LIPA: variants seen among roughly 807,000 people sequenced by gnomAD.
The protein encoded by LIPA is lipase A, lysosomal acid type.
A neutral mutation model predicts 40.6 loss-of-function variants in LIPA; 26 were observed. The observed-to-expected ratio is 0.64, with a 90% CI of 0.47 to 0.89. The LOEUF (loss-of-function observed/expected upper bound fraction) is 0.89, where lower values mean the gene tolerates loss of function less well. Ranked by LOEUF, LIPA falls within the 40% of genes least tolerant of loss-of-function variation. LIPA has a pLI of 0.00. For missense variants in LIPA, 455 were observed against 479.6 expected (o/e 0.95, Z 0.48); for synonymous variants, 188 against 168.4 (o/e 1.12, Z -0.90).
rs1842596009 is a variant in LIPA, at chr10:89,214,636, T to C, written c.*192A>G. 1.8e-6 allele frequency: 1 copy of C among 564,406 alleles called. No homozygotes were observed. Among genetic ancestry groups the C allele is most frequent in the Non-Finnish European group, 3.1e-6 (1 of 318,508 alleles). The allele number at this position is 564,406 out of a possible 1,614,324, so 35.0% of individuals were successfully genotyped here. A position where few individuals can be genotyped will look rare whatever the true frequency, so the allele number is the denominator to read the frequency against. ...CACTGGCTTCCTATTCCAGCCCTAA[T>C]TAAAGAAAAAATAGCTAGTATGTTT... On this transcript the variant is annotated 3_prime_UTR_variant, in exon 10 of 10. Coordinates refer to ENST00000336233, the MANE Select transcript of LIPA (RefSeq NM_000235.4).
At chr10:89,305,930 C>T (rs1392403631) in intron 1 of LIPA, 2 of 1,487,604 alleles carry the variant, frequency 1.3e-6, no homozygotes, top group Non-Finnish European at 1.9e-6. Flanking sequence ...AAATCTGTGT[C>T]TCAAAGTCCA....
At chr10:89,226,832 A>G (rs895956833) in intron 5 of LIPA, 63 bp downstream of exon 5, 3 of 980,234 alleles carry the variant, frequency 3.1e-6, no homozygotes, top group Non-Finnish European at 4.9e-6. Flanking sequence ...TTCACTTTTA[A>G]GAAAAGTACA....
intron 2 of LIPA, among the ~76,000 whole-genome samples, chr10:89,397,015 G>T (rs561067330): frequency 1.1e-3 from 160 of 152,122 alleles, no homozygotes; most frequent in African/African-American, 3.6e-3. Context: ...TAAGGATTTG[G>T]TTCTTTATAA....
At chr10:89,326,645 T>C (rs1843602457) in intron 1 of LIPA, among the ~76,000 whole-genome samples, 1 of 152,182 alleles carries the variant, frequency 6.6e-6, no homozygotes, top group African/African-American at 2.4e-5. Context: ...CCTGATGTGA[T>C]TATTACTCAT....
chr10:89,375,340 T>G (rs1318226475), intron 2 of LIPA, among the ~76,000 whole-genome samples: 1 of 152,224 alleles, frequency 6.6e-6, no homozygotes, highest in African/African-American at 2.4e-5. Flanking sequence ...CATCATCTTG[T>G]GCGCACAAAG....
At chr10:89,355,738 C>T (rs961987952) in intron 2 of LIPA, among the ~76,000 whole-genome samples, 3 of 152,182 alleles carry the variant, frequency 2.0e-5, no homozygotes, top group Non-Finnish European at 2.9e-5. Context: ...TGAAAATGAC[C>T]TCTGGTCATC....
In LIPA at chr10:89,312,396, G is replaced by A. The variant is rs112266120; in HGVS notation, c.-2+30215C>T. Among the ~76,000 whole-genome samples the A allele has an allele frequency of 5.9e-3, 896 of 152,190 alleles. 7 individuals carry two copies. The highest frequency in any genetic ancestry group is 0.02 in the African/African-American group (832 of 41,534). On this transcript the variant is annotated intron_variant, in intron 1 of 5. Transcript: ENST00000282673. ...GTGGGGGCTTCAGTGAGCTGAGATC[G>A]TGCCACTGCACTACAGCCTGGGCAA...
Position 89,411,847 on chromosome 10 carries a change from A to G in LIPA, c.61+944T>C, listed in dbSNP as rs553133539. Among the ~76,000 whole-genome samples, 19 of 152,336 alleles carry G rather than the reference A, an allele frequency of 1.2e-4. 1 individual carries two copies. Among genetic ancestry groups the G allele is most frequent in the African/African-American group, 4.6e-4 (19 of 41,570 alleles). On this transcript the variant is annotated intron_variant, in intron 2 of 8. Coordinates refer to the LIPA transcript ENST00000371837. Reference sequence around the variant, plus strand: ...ATCAGACAACACCTTTCAAACTCTTATACCAACCTCTGGAGTTGGGCAACA... The same window carrying G: ...ATCAGACAACACCTTTCAAACTCTTGTACCAACCTCTGGAGTTGGGCAACA...
At chr10:89,394,076 A>C (rs894714924) in intron 2 of LIPA, among the ~76,000 whole-genome samples, 7 of 152,174 alleles carry the variant, frequency 4.6e-5, no homozygotes, top group Admixed American at 2.6e-4. Flanking sequence ...CACTCTGAGA[A>C]ATGCAGCTGT....
chr10:89,414,520 A>C (rs887926314), exon 1 of LIPA: 1 of 422,784 alleles, frequency 2.4e-6, no homozygotes, highest in Non-Finnish European at 4.2e-6. Context: ...CTCTTCTATT[A>C]AGTTTCGGTT....
intron 1 of LIPA, among the ~76,000 whole-genome samples, chr10:89,283,331 G>A (rs1843325606): frequency 1.3e-5 from 2 of 152,140 alleles, no homozygotes; most frequent in East Asian, 1.9e-4. Flanking sequence ...CAGCTGCACC[G>A]GAGTCTCTCT....
chr10:89,392,581 T>C, intron 2 of LIPA: 2 of 874,742 alleles, frequency 2.3e-6, no homozygotes, highest in Admixed American at 2.1e-5. Context: ...CATTGGCTGC[T>C]GTTTAGCTCC....
intron 2 of LIPA, among the ~76,000 whole-genome samples, chr10:89,393,669 G>A (rs907328555): frequency 6.6e-6 from 1 of 152,222 alleles, no homozygotes. Flanking sequence ...GGCGTAAGTT[G>A]CAGTGAGCTG....
chr10:89,384,902 CT>C, intron 2 of LIPA: 2 of 599,116 alleles, frequency 3.3e-6, no homozygotes, highest in Non-Finnish European at 5.7e-6. Context: ...GCAACTTCTG[CT>C]TTTTCCTGTA....
At position 89,229,420 on chromosome 10, in the gene LIPA, A is replaced by G. The variant is rs541243837; in HGVS notation, c.230-1022T>C. ...TATAGAGGTAGACACATGCCATCAT[A>G]CATTTGTCCAAAACTATAGAATATA... On this transcript the variant is annotated intron_variant, in intron 3 of 9. Coordinates refer to ENST00000336233, the MANE Select transcript of LIPA (RefSeq NM_000235.4). Among the ~76,000 whole-genome samples, 28 of 152,344 alleles carry G rather than the reference A, an allele frequency of 1.8e-4. 1 individual carries two copies. The East Asian group carries it at 5.0e-3, about 27-fold the overall frequency.
chr10:89,405,580 T>A (rs898832503), intron 2 of LIPA: 3 of 152,170 alleles, frequency 2.0e-5, no homozygotes, highest in Admixed American at 2.0e-4. Flanking sequence ...AAGGTATTGA[T>A]GACGCTACAC....
At chr10:89,372,689 C>A (rs182714614) in intron 2 of LIPA, among the ~76,000 whole-genome samples, 1 of 152,204 alleles carries the variant, frequency 6.6e-6, no homozygotes, top group African/African-American at 2.4e-5. Context: ...ATGTTTGGAT[C>A]GCAGGTTCCT....
At chr10:89,286,154 C>T (rs1456635047) in intron 1 of LIPA, among the ~76,000 whole-genome samples, 3 of 152,238 alleles carry the variant, frequency 2.0e-5, no homozygotes, top group Non-Finnish European at 2.9e-5. Context: ...AGGTGCCTGA[C>T]GTCCAGGCAT....
At chr10:89,326,691 A>AAT (rs1373865072) in intron 1 of LIPA, among the ~76,000 whole-genome samples, 4 of 152,142 alleles carry the variant, frequency 2.6e-5, no homozygotes, top group Non-Finnish European at 5.9e-5. Flanking sequence ...GTACCCCATA[A>AAT]ATATATATAT....
Sources: gnomAD v4.1 joint callset for allele counts (sites outside exome capture counted in the v4.1 genomes callset) on GRCh38, gnomAD v4.1.1 for gene constraint, MANE v1.5 for transcripts, NCBI Gene and HGNC (gene_info 2026-07-23, HGNC 2026-07-21) for gene names.